The following DPP10 variants were observed in gnomAD, a reference collection of about 807,000 sequenced individuals.
DPP10 encodes dipeptidyl peptidase like 10.
Under a neutral mutation model 120.9 loss-of-function variants are expected in DPP10, and 33 were observed. The ratio of observed to expected loss-of-function variants is 0.27; its 90% CI spans 0.21 to 0.37. DPP10 has a LOEUF of 0.37. Among genes scored for constraint, DPP10 ranks in the 10% least tolerant of loss-of-function variants. The probability of loss-of-function intolerance (pLI) is 1.00; values close to 1 mark genes in which losing one functional copy is unlikely to be tolerated. For missense variants in DPP10, 816 were observed against 942.8 expected (o/e 0.87, Z 1.76); for synonymous variants, 337 against 326.1 (o/e 1.03, Z -0.36).
chr2:115,396,069 A>G (rs1377496253), intron 3 of DPP10, among the ~76,000 whole-genome samples: 1 of 152,134 alleles, frequency 6.6e-6, no homozygotes, highest in African/African-American at 2.4e-5. Flanking sequence ...AGACTGCTCA[A>G]GTTGGCTGGG....
chr2:115,006,193 G>T (rs1169181376), intron 1 of DPP10, among the ~76,000 whole-genome samples: 5 of 151,926 alleles, frequency 3.3e-5, no homozygotes, highest in African/African-American at 1.2e-4. Flanking sequence ...CACCAGGCCT[G>T]CCCTAAAAGA....
intron 1 of DPP10, among the ~76,000 whole-genome samples, chr2:114,707,510 T>C (rs1390778685): frequency 1.3e-5 from 2 of 152,206 alleles, no homozygotes; most frequent in Admixed American, 6.5e-5. Flanking sequence ...AACTTAAACA[T>C]ATTTTATTAA....
intron 1 of DPP10, among the ~76,000 whole-genome samples, chr2:115,118,906 C>T (rs928740332): frequency 2.6e-5 from 4 of 151,946 alleles, no homozygotes; most frequent in Admixed American, 6.6e-5. Flanking sequence ...TGAGCCACCG[C>T]GTCCAGCCTA....
chr2:115,775,979 A>G lies in DPP10; in HGVS notation c.1222-1229A>G, dbSNP rs1682049192. Among the ~76,000 whole-genome samples, 3 of 152,144 alleles carry G rather than the reference A, an allele frequency of 2.0e-5. No homozygotes were observed. The South Asian group carries it at 6.2e-4, about 31-fold the overall frequency. ...ATTCAAAAACCTTAGAAATTTAGGA[A>G]TAAAGGGAACTTCTTTAAGGTGATG... is the stretch of plus-strand genomic sequence containing the variant. On this transcript the variant is annotated intron_variant, in intron 13 of 25. Coordinates refer to ENST00000410059, the MANE Select transcript of DPP10 (RefSeq NM_020868.6).
Position 115,689,555 on chromosome 2 carries a change from G to A in DPP10, c.442-132G>A, listed in dbSNP as rs572881618. ...CACAGAGAGGGTGATAAACTTCTGA[G>A]CTAGAATGTTTTATATTTTCATTTC... On this transcript the variant is annotated intron_variant, in intron 5 of 25. Transcript: ENST00000410059. 6 of 667,682 alleles carry A rather than the reference G, an allele frequency of 9.0e-6. No homozygotes were observed. In the African/African-American group the frequency reaches 1.1e-4, roughly 12 times the overall value. The allele number at this position is 667,682 out of a possible 1,614,324, so 41.4% of individuals were successfully genotyped here.
intron 5 of DPP10, among the ~76,000 whole-genome samples, chr2:115,669,713 T>C (rs960380582): frequency 6.6e-6 from 1 of 152,106 alleles, no homozygotes; most frequent in African/African-American, 2.4e-5. Context: ...AGATTTGTTA[T>C]CAAACATTGC....
chr2:115,785,334 A>G (rs1342449537), intron 17 of DPP10, among the ~76,000 whole-genome samples: 1 of 152,222 alleles, frequency 6.6e-6, no homozygotes. Flanking sequence ...TGGTATCAGA[A>G]TCATGCTGAC....
intron 1 of DPP10, among the ~76,000 whole-genome samples, chr2:115,060,162 CTAGA>C (rs1706284103): frequency 6.7e-6 from 1 of 149,798 alleles, no homozygotes; most frequent in Non-Finnish European, 1.5e-5. Context: ...ATATAAATGT[CTAGA>C]TAGATAGATA....
At chr2:114,463,774 G>T (rs12468131) in intron 1 of DPP10, among the ~76,000 whole-genome samples, 2 of 152,136 alleles carry the variant, frequency 1.3e-5, no homozygotes, top group Non-Finnish European at 1.5e-5. Context: ...CACCCTAAAA[G>T]AATCTCCTGT....
chr2:114,815,133 T>A (rs1685519415), intron 1 of DPP10, among the ~76,000 whole-genome samples: 1 of 152,182 alleles, frequency 6.6e-6, no homozygotes, highest in Admixed American at 6.5e-5. Flanking sequence ...TGGCAGGTGG[T>A]AGGGTCAAAG....
chr2:115,757,198 G>A (rs1439624288), intron 11 of DPP10, among the ~76,000 whole-genome samples: 2 of 151,916 alleles, frequency 1.3e-5, no homozygotes, highest in African/African-American at 4.8e-5. Flanking sequence ...TATAAGAGTA[G>A]AATAATACTG....
At chr2:115,435,623 G>T (rs1198532001) in intron 3 of DPP10, among the ~76,000 whole-genome samples, 1 of 151,546 alleles carries the variant, frequency 6.6e-6, no homozygotes, top group Non-Finnish European at 1.5e-5. Context: ...TGGATAATTT[G>T]CAAATATTAT....
At chr2:115,761,764 A>T (rs1194530976) in intron 11 of DPP10, among the ~76,000 whole-genome samples, 5 of 152,116 alleles carry the variant, frequency 3.3e-5, no homozygotes, top group Non-Finnish European at 7.4e-5. Context: ...TAGAAAAAGA[A>T]ATTAGTATTT....
intron 5 of DPP10, among the ~76,000 whole-genome samples, chr2:115,610,503 G>GTC (rs2084021867): frequency 1.4e-5 from 1 of 71,130 alleles, no homozygotes; most frequent in South Asian, 5.5e-4. Context: ...GTGTGTGTGT[G>GTC]TGTGTGTGTG....
intron 1 of DPP10, among the ~76,000 whole-genome samples, chr2:115,230,197 G>A (rs1406553795): frequency 2.0e-5 from 3 of 151,742 alleles, no homozygotes; most frequent in African/African-American, 7.3e-5. Flanking sequence ...ATTGTAAATG[G>A]GATTACTTTC....
chr2:114,724,048 T>G (rs1313028243), intron 1 of DPP10, among the ~76,000 whole-genome samples: 1 of 152,182 alleles, frequency 6.6e-6, no homozygotes, highest in Non-Finnish European at 1.5e-5. Flanking sequence ...AATGGGTTGA[T>G]GGATGTTTCT....
chr2:115,160,324 T>C (rs2052217654), intron 1 of DPP10, among the ~76,000 whole-genome samples: 1 of 152,232 alleles, frequency 6.6e-6, no homozygotes, highest in African/African-American at 2.4e-5. Context: ...CTGATATATT[T>C]ATTTTAAAAT....
chr2:114,646,360 A>G (rs1466428708), intron 1 of DPP10, among the ~76,000 whole-genome samples: 2 of 152,186 alleles, frequency 1.3e-5, no homozygotes, highest in African/African-American at 2.4e-5. Context: ...TAGATCCTCT[A>G]AAATGAGAAC....
intron 1 of DPP10, among the ~76,000 whole-genome samples, chr2:114,718,072 A>T (rs1414763493): frequency 6.6e-6 from 1 of 151,930 alleles, no homozygotes; most frequent in Non-Finnish European, 1.5e-5. Flanking sequence ...ATAGTTTGTT[A>T]TCTAAAATAA....
Sources: allele counts gnomAD v4.1 joint callset (sites outside exome capture counted in the v4.1 genomes callset), GRCh38; gene constraint gnomAD v4.1.1; transcripts MANE v1.5; gene names NCBI Gene and HGNC (gene_info 2026-07-23, HGNC 2026-07-21).